Variants in SGTA observed in about 807,000 individuals in gnomAD.
The protein encoded by SGTA is small glutamine-rich tetratricopeptide repeat-containing protein alpha.
In SGTA, 22 loss-of-function variants were observed where a neutral mutation model predicts 44.3. That is an observed-to-expected ratio of 0.50 (90% CI 0.36 to 0.71). The LOEUF is 0.71. SGTA is among the 30% of genes least tolerant of loss of function. The probability of loss-of-function intolerance (pLI) is 0.00; values close to 1 mark genes in which losing one functional copy is unlikely to be tolerated. For missense variants in SGTA, 341 were observed against 435.9 expected, an observed-to-expected ratio of 0.78 and a Z score of 1.94; for synonymous variants, 174 against 177.6, an observed-to-expected ratio of 0.98 and a Z score of 0.16.
chr19:2,761,601 C>T lies in SGTA; in HGVS notation c.637-79G>A, dbSNP rs375356172. The T allele has an allele frequency of 7.5e-5, 87 of 1,164,016 alleles. No homozygotes were observed. Among genetic ancestry groups the T allele is most frequent in the East Asian group, 6.1e-4 (24 of 39,030 alleles). 72.1% of individuals were successfully genotyped at this position (1,164,016 alleles called of 1,614,324 possible). A position where few individuals can be genotyped will look rare whatever the true frequency, so the allele number is the denominator to read the frequency against. The stretch of plus-strand genomic sequence containing the variant: ...ATAACCCCCTGGAACTCAGAAACAA[C>T]GGCCCCCCACGGGGCTCAGACATTC... On this transcript the variant is annotated intron_variant, in intron 7 of 11. Coordinates refer to ENST00000221566, the MANE Select transcript of SGTA (RefSeq NM_003021.4). The surrounding 1 kb of genome is among the most constrained non-coding windows in gnomAD (Gnocchi z 5.7).
chr19:2,761,089 TGTG>T lies in SGTA; in HGVS notation c.699+368_699+370del, dbSNP rs1914976119. On this transcript the variant is annotated intron_variant, in intron 8 of 11. Transcript: ENST00000221566. This position sits in a 1 kb window ranked among gnomAD's most constrained non-coding sequence, Gnocchi z 5.7. ...CCTTAGGAGGCAGACGCTGCTGTGT[TGTG>T]ATCAGTGTCTCTGCACTGCGAGGAG... Among the ~76,000 whole-genome samples, 1 of 152,328 alleles carries T rather than the reference TGTG, an allele frequency of 6.6e-6. No individual in the cohort carries two copies. Among genetic ancestry groups the T allele is most frequent in the Admixed American group, 6.5e-5 (1 of 15,312 alleles).
rs1291475684 is a variant in SGTA at position 2,763,278 on chromosome 19, G to A, written c.497+375C>T. Among the ~76,000 whole-genome samples, 1 of 152,200 alleles carries A rather than the reference G, an allele frequency of 6.6e-6. No individual in the cohort carries two copies. Among genetic ancestry groups the A allele is most frequent in the Non-Finnish European group, 1.5e-5 (1 of 68,030 alleles). ...CACGGGGCGCAGGCTCCTGCCCCGG[G>A]GACCCTCCTGGCCTCACTCTCGGAC... is the stretch of plus-strand genomic sequence containing the variant. On this transcript the variant is annotated intron_variant, in intron 6 of 11. Coordinates refer to ENST00000221566, the MANE Select transcript of SGTA (RefSeq NM_003021.4). The surrounding 1 kb of genome is among the most constrained non-coding windows in gnomAD (Gnocchi z 5.8).
In SGTA at chr19:2,767,223, G is replaced by A; in HGVS notation, c.208-3C>T. ...CTCCTCAGGTCCTGCGGCATCTCCTGGACCCGGAGGCAAAGGCGGCCCGCT... is the reference window on the plus strand; with the variant it reads ...CTCCTCAGGTCCTGCGGCATCTCCTAGACCCGGAGGCAAAGGCGGCCCGCT... On this transcript the variant is annotated splice_polypyrimidine_tract_variant and splice_region_variant and intron_variant, in intron 3 of 11. Coordinates refer to ENST00000221566, the MANE Select transcript of SGTA (RefSeq NM_003021.4). This position sits in a 1 kb window ranked among gnomAD's most constrained non-coding sequence, Gnocchi z 7.3. 1 of 1,606,976 alleles carries A rather than the reference G, an allele frequency of 6.2e-7. No homozygotes were observed. The highest frequency in any genetic ancestry group is 8.5e-7 in the Non-Finnish European group (1 of 1,177,256).
At chr19:2,756,241 T>C (rs1403607142) in intron 11 of SGTA, among the ~76,000 whole-genome samples, 1 of 151,454 alleles carries the variant, frequency 6.6e-6, no homozygotes, top group African/African-American at 2.4e-5. Context: ...AAATAAAAGC[T>C]TATTTAAAAA....
chr19:2,773,958 G>T (rs1316479672), intron 1 of SGTA, among the ~76,000 whole-genome samples: 1 of 133,802 alleles, frequency 7.5e-6, no homozygotes, highest in Non-Finnish European at 1.5e-5. Context: ...GCAGAGATGG[G>T]TGACGCGGCC....
At position 2,767,012 on chromosome 19, in the gene SGTA, C is replaced by T. The variant is rs1211917578; in HGVS notation, c.292+124G>A. 1 of 747,480 alleles carries T rather than the reference C, an allele frequency of 1.3e-6. No homozygotes were observed. The highest frequency in any genetic ancestry group is 2.7e-5 in the East Asian group (1 of 36,714). 46.3% of individuals were successfully genotyped at this position (747,480 alleles called of 1,614,324 possible). ...GTCCCCGTCCCCACAAGCCAGCGTG[C>T]TGGTCATCAGGGCAATTCCCTCAGC... On this transcript the variant is annotated intron_variant, in intron 4 of 11. Coordinates refer to ENST00000221566, the MANE Select transcript of SGTA (RefSeq NM_003021.4). The surrounding 1 kb of genome is among the most constrained non-coding windows in gnomAD (Gnocchi z 7.3).
At position 2,765,999 on chromosome 19, in the gene SGTA, G is replaced by A. The variant is rs147826350; in HGVS notation, c.293-714C>T. On this transcript the variant is annotated intron_variant, in intron 4 of 11. Transcript: ENST00000221566. The surrounding 1 kb of genome is among the most constrained non-coding windows in gnomAD (Gnocchi z 5.5). ...TTTGGGAGGCCGACGCAGGCGGATC[G>A]CAAGATCAGGAGACCAAGACCATCC... is the stretch of plus-strand genomic sequence containing the variant. Among the ~76,000 whole-genome samples, 2 of 152,176 alleles carry A rather than the reference G, an allele frequency of 1.3e-5. No homozygotes were observed. Among genetic ancestry groups the A allele is most frequent in the Admixed American group, 1.3e-4 (2 of 15,284 alleles).
intron 1 of SGTA, 58 bp from the exon 2 acceptor site, chr19:2,769,149 C>G: frequency 9.9e-7 from 1 of 1,008,384 alleles, no homozygotes; most frequent in Admixed American, 1.9e-5. Context: ...TCCAGGCACC[C>G]CAGGCCTGCC....
Position 2,780,339 on chromosome 19 carries a change from G to C in SGTA, c.-24+2894C>G, listed in dbSNP as rs567437924. Among the ~76,000 whole-genome samples, 42 of 152,184 alleles carry C rather than the reference G, an allele frequency of 2.8e-4. No homozygotes were observed. In the Middle Eastern group the frequency reaches 0.014, roughly 49 times the overall value. On this transcript the variant is annotated intron_variant, in intron 1 of 11. Transcript: ENST00000221566. ...TGCCCTGCTCCTCACTCCCTCTTAGGATACCCGAGTTCTAGCTCAGTCTCC... is the reference window on the plus strand; with the variant it reads ...TGCCCTGCTCCTCACTCCCTCTTAGCATACCCGAGTTCTAGCTCAGTCTCC...
chr19:2,758,807 G>T (rs1432920247), intron 9 of SGTA, among the ~76,000 whole-genome samples: 1 of 152,240 alleles, frequency 6.6e-6, no homozygotes, highest in Admixed American at 6.5e-5. Context: ...GCCATGAAAA[G>T]GAGCGAGGCC....
intron 1 of SGTA, among the ~76,000 whole-genome samples, chr19:2,771,465 T>C (rs1915301362): frequency 2.0e-5 from 3 of 151,438 alleles, no homozygotes; most frequent in African/African-American, 7.3e-5. Context: ...TCTCGTGGCA[T>C]AGACCTCGGT....
At chr19:2,771,519 T>C (rs1206793883) in intron 1 of SGTA, among the ~76,000 whole-genome samples, 1 of 149,874 alleles carries the variant, frequency 6.7e-6, no homozygotes, top group Non-Finnish European at 1.5e-5. Flanking sequence ...GACTTAACTC[T>C]GCTGAGCCTC....
At chr19:2,760,405 C>T (rs1272040916) in intron 8 of SGTA, among the ~76,000 whole-genome samples, 1 of 150,708 alleles carries the variant, frequency 6.6e-6, no homozygotes, top group Admixed American at 6.6e-5. Context: ...GTAATCCCAG[C>T]TACTCGGGAG....
intron 4 of SGTA, among the ~76,000 whole-genome samples, chr19:2,766,350 T>C (rs941105860): frequency 6.6e-6 from 1 of 152,222 alleles, no homozygotes; most frequent in Non-Finnish European, 1.5e-5. Context: ...CATTCCACCG[T>C]GTAGATGGGC....
chr19:2,756,002 G>A (rs978164616), intron 11 of SGTA, 69 bp from the exon 12 acceptor site: 3 of 913,200 alleles, frequency 3.3e-6, no homozygotes, highest in African/African-American at 3.6e-5. Context: ...CACACTCCAG[G>A]CAGCAGGAGA....
At position 2,772,265 on chromosome 19, in the gene SGTA, C is replaced by T. The variant is rs555318594; in HGVS notation, c.-23-3174G>A. ...CAGCCTCGGGATGGACGAGGAAGGG[C>T]GAGGCCTGAAGGAATCTTCTACAGT... On this transcript the variant is annotated intron_variant, in intron 1 of 11. Coordinates refer to ENST00000221566, the MANE Select transcript of SGTA (RefSeq NM_003021.4). Among the ~76,000 whole-genome samples, 5 of 152,344 alleles carry T rather than the reference C, an allele frequency of 3.3e-5. No individual in the cohort carries two copies. The South Asian group carries it at 6.2e-4, about 19-fold the overall frequency.
chr19:2,766,102 G>A (rs57728503), intron 4 of SGTA, among the ~76,000 whole-genome samples: 2,225 of 152,228 alleles, frequency 0.015, 47 homozygotes, highest in African/African-American at 0.05. Context: ...TGTAGTCCCA[G>A]CTACTCAGAA....
rs373137712 is a variant in SGTA at position 2,755,584 on chromosome 19, C to T, written c.*356G>A. ...AAAAGGCTTTGGAAGCCACACGATC[C>T]GCCACACGGCTGAACGTGAAACCTG... On this transcript the variant is annotated 3_prime_UTR_variant, in exon 12 of 12. Coordinates refer to ENST00000221566, the MANE Select transcript of SGTA (RefSeq NM_003021.4). The surrounding 1 kb of genome is among the most constrained non-coding windows in gnomAD (Gnocchi z 5.2). 51 of 985,592 alleles carry T rather than the reference C, an allele frequency of 5.2e-5. 1 individual carries two copies. In the East Asian group the frequency reaches 1.6e-3, roughly 31 times the overall value. 61.1% of individuals were successfully genotyped at this position (985,592 alleles called of 1,614,324 possible).
Position 2,765,870 on chromosome 19 carries a change from T to C in SGTA, c.293-585A>G, listed in dbSNP as rs934512711. 6.6e-6 allele frequency among the ~76,000 whole-genome samples: 1 copy of C among 152,104 alleles called. No individual in the cohort carries two copies. The highest frequency in any genetic ancestry group is 2.4e-5 in the African/African-American group (1 of 41,406). On this transcript the variant is annotated intron_variant, in intron 4 of 11. Transcript: ENST00000221566. The surrounding 1 kb of genome is among the most constrained non-coding windows in gnomAD (Gnocchi z 5.5). The stretch of plus-strand genomic sequence containing the variant: ...TGGGGGGAAGATGGGTATCAGCGTG[T>C]GTTTCCCTAAACAGTTTTATTGAGA...
Sources: allele counts gnomAD v4.1 joint callset (sites outside exome capture counted in the v4.1 genomes callset), GRCh38; gene constraint gnomAD v4.1.1; non-coding constraint Gnocchi (gnomAD v3.1); transcripts MANE v1.5; gene names NCBI Gene and HGNC (gene_info 2026-07-23, HGNC 2026-07-21).